The following F5 variants were observed in gnomAD, a reference collection of about 807,000 sequenced individuals.
F5 encodes activated protein c cofactor.
Under a neutral mutation model 216.4 loss-of-function variants are expected in F5, and 138 were observed. The ratio of observed to expected loss-of-function variants is 0.64; its 90% CI spans 0.56 to 0.73. F5 has a LOEUF of 0.73. Ranked by LOEUF, F5 falls within the 30% of genes least tolerant of loss-of-function variation. F5 has a pLI of 0.00. For missense variants in F5, 2,403 were observed against 2,674.0 expected, an observed-to-expected ratio of 0.90 and a Z score of 2.24; for synonymous variants, 916 against 930.7, an observed-to-expected ratio of 0.98 and a Z score of 0.29.
intron 18 of F5, among the ~76,000 whole-genome samples, chr1:169,525,367 C>G (rs978041019): frequency 2.0e-5 from 3 of 152,010 alleles, no homozygotes; most frequent in Admixed American, 2.0e-4. Context: ...AAGTTCTAGT[C>G]CTGATGAGAC....
intron 2 of F5, among the ~76,000 whole-genome samples, chr1:169,580,832 T>A (rs1455221107): frequency 2.6e-5 from 4 of 152,216 alleles, no homozygotes; most frequent in Non-Finnish European, 5.9e-5. Flanking sequence ...TAAGTTATGA[T>A]TAGTAATAGC....
At chr1:169,558,612 G>A (rs1028353575) in intron 5 of F5, among the ~76,000 whole-genome samples, 1 of 152,094 alleles carries the variant, frequency 6.6e-6, no homozygotes, top group African/African-American at 2.4e-5. Context: ...TGGTCTAAGT[G>A]GGAATTAGTT....
chr1:169,541,264 G>C lies in F5; in HGVS notation c.3826C>G (p.Leu1276Val), dbSNP rs140018525. Reference protein sequence around the residue: ...NLSPALGQMPLSPDLSHTTLS... With the variant: ...NLSPALGQMPVSPDLSHTTLS... ...GTTGTATGGCTGAGGTCTGGAGAAA[G>C]GGGCATCTGACCGAGGGCTGGAGAA... The change falls in exon 13 of 25, where the codon CTT becomes GTT. Residue 1276 changes from leucine to valine, a missense_variant. This residue lies in a region of F5 where 1,425 missense variants were observed against 1,554.8 expected (regional missense o/e 0.92). Transcript: ENST00000367797. 9 of 1,532,906 alleles carry C rather than the reference G, an allele frequency of 5.9e-6. No individual in the cohort carries two copies. In the South Asian group the frequency reaches 8.2e-5, roughly 14 times the overall value. The allele number at this position is 1,532,906 out of a possible 1,614,324, so 95.0% of individuals were successfully genotyped here.
At chr1:169,573,301 G>T (rs1175523940) in intron 2 of F5, among the ~76,000 whole-genome samples, 3 of 152,168 alleles carry the variant, frequency 2.0e-5, no homozygotes, top group African/African-American at 7.2e-5. Flanking sequence ...GTACAGCAGA[G>T]ACATAGTATA....
Position 169,518,531 on chromosome 1 carries a change from T to G in F5, c.6226A>C (p.Lys2076Gln), listed in dbSNP as rs1659214014. Residue 2076 changes from lysine to glutamine, a missense_variant, in exon 23 of 25, where the codon AAG becomes CAG. Coordinates refer to ENST00000367797, the MANE Select transcript of F5 (RefSeq NM_000130.5). ...CSTPLGMENG[K>Q]IENKQITASS... is the part of the protein sequence containing the mutation. ...GCTGTGATTTGCTTGTTTTCTATCT[T>G]TCCATTTTCCATACCCAGGGGTGTG... 6.2e-7 allele frequency: 1 copy of G among 1,613,770 alleles called. No individual in the cohort carries two copies. The highest frequency in any genetic ancestry group is 8.5e-7 in the Non-Finnish European group (1 of 1,179,890).
rs1198715747 is a variant in F5 at position 169,525,968 on chromosome 1, G to A, written c.5649C>T (p.Leu1883=). Residue 1883 remains leucine (L), a synonymous_variant, in exon 18 of 25, where the codon CTC becomes CTT. Transcript: ENST00000367797. ...EMKASKPGWW[L]LNTEVGENQR... is the part of the protein sequence containing the mutation. ...GGTTTTCTCCAACCTCTGTGTTTAG[G>A]AGCCACCAGCCAGGTTTTGATGCCT... is the stretch of plus-strand genomic sequence containing the variant. 1 of 1,613,104 alleles carries A rather than the reference G, an allele frequency of 6.2e-7. No individual in the cohort carries two copies. Among genetic ancestry groups the A allele is most frequent in the Non-Finnish European group, 8.5e-7 (1 of 1,179,430 alleles).
intron 18 of F5, among the ~76,000 whole-genome samples, chr1:169,525,443 A>C (rs1163491647): frequency 6.6e-6 from 1 of 152,246 alleles, no homozygotes; most frequent in Non-Finnish European, 1.5e-5. Flanking sequence ...AAGGGATACC[A>C]GCCACTGTGC....
intron 9 of F5, among the ~76,000 whole-genome samples, 163 bp from the exon 10 acceptor site, chr1:169,550,178 C>T (rs1158662831): frequency 1.3e-5 from 2 of 151,374 alleles, no homozygotes; most frequent in Middle Eastern, 3.2e-3. Flanking sequence ...ATGTGCACAA[C>T]GTGCAGGTTT....
At chr1:169,525,263 G>A (rs2301519) in intron 18 of F5, among the ~76,000 whole-genome samples, 8,206 of 152,192 alleles carry the variant, frequency 0.054, 345 homozygotes, top group Admixed American at 0.099. Flanking sequence ...CTGGGAGGCC[G>A]AGGGGGGAGG....
In F5 at chr1:169,549,945, C is replaced by G; in HGVS notation, c.1467G>C (p.Glu489Asp). Residue 489 changes from glutamate (E) to aspartate (D), a missense_variant, in exon 10 of 25, where the codon GAG becomes GAC. This residue lies in a region of F5 where 1,425 missense variants were observed against 1,554.8 expected (regional missense o/e 0.92). Transcript: ENST00000367797. ...ETYTYKWNIL[E>D]FDEPTENDAQ... is the part of the protein sequence containing the mutation. Reference sequence around the variant, plus strand: ...CATCATTTTCTGTGGGTTCATCAAACTCTAAGATGTTCCACTTATAAGTAT... The same window carrying G: ...CATCATTTTCTGTGGGTTCATCAAAGTCTAAGATGTTCCACTTATAAGTAT... The G allele has an allele frequency of 1.2e-6, 2 of 1,614,178 alleles. No individual in the cohort carries two copies. Among genetic ancestry groups the G allele is most frequent in the East Asian group, 4.5e-5 (2 of 44,878 alleles).
At chr1:169,517,486 T>C (rs1305306221) in intron 23 of F5, among the ~76,000 whole-genome samples, 1 of 152,126 alleles carries the variant, frequency 6.6e-6, no homozygotes, top group East Asian at 1.9e-4. Flanking sequence ...GCCAGGAAAT[T>C]GGAGTGTAGG....
In F5 at chr1:169,542,220, T is replaced by C; in HGVS notation, c.2870A>G (p.Glu957Gly). The C allele has an allele frequency of 6.2e-7, 1 of 1,614,060 alleles. No individual in the cohort carries two copies. The highest frequency in any genetic ancestry group is 8.5e-7 in the Non-Finnish European group (1 of 1,179,982). Residue 957 changes from glutamate to glycine, a missense_variant, in exon 13 of 25, where the codon GAA (glutamate) becomes GGA (glycine). Physicochemically the swap from Glu to Gly is moderately conservative, Grantham distance 98. This residue lies in a region of F5 where 1,425 missense variants were observed against 1,554.8 expected (regional missense o/e 0.92). Coordinates refer to ENST00000367797, the MANE Select transcript of F5 (RefSeq NM_000130.5). ...WHLASEKGSY[E>G]IIQDTDEDTA... ...GTCTTCATCAGTATCTTGGATTATT[T>C]CATAGCTACCTTTCTCAGAAGCCAA...
chr1:169,515,725 TTTG>T, intron 23 of F5, 99 bp from the exon 24 acceptor site: 1 of 1,245,944 alleles, frequency 8.0e-7, no homozygotes, highest in South Asian at 1.2e-5. Context: ...TCAAAAGGAT[TTTG>T]TTCTATCTTA....
At chr1:169,572,695 G>A (rs1420969773) in intron 2 of F5, among the ~76,000 whole-genome samples, 1 of 152,172 alleles carries the variant, frequency 6.6e-6, no homozygotes, top group South Asian at 2.1e-4. Context: ...AGGGTGATGC[G>A]AGAGGGTAGT....
chr1:169,527,830 C>A (rs1343462550), intron 17 of F5, 85 bp downstream of exon 17: 1 of 1,534,012 alleles, frequency 6.5e-7, no homozygotes, highest in Non-Finnish European at 8.9e-7. Context: ...GAAGTATATG[C>A]ACAAGGAAGA....
At chr1:169,543,848 A>G (rs898286263) in intron 12 of F5, among the ~76,000 whole-genome samples, 1 of 152,250 alleles carries the variant, frequency 6.6e-6, no homozygotes, top group African/African-American at 2.4e-5. Context: ...GTGTAAGGTT[A>G]CACAGCAATC....
chr1:169,568,455 A>G (rs1660657865), intron 3 of F5, among the ~76,000 whole-genome samples: 1 of 152,136 alleles, frequency 6.6e-6, no homozygotes, highest in Non-Finnish European at 1.5e-5. Context: ...ATACATTAAT[A>G]TAAAGTATAA....
Position 169,518,401 on chromosome 1 carries a change from G to A in F5, c.6345+11C>T, listed in dbSNP as rs1189466821. 3 of 1,613,472 alleles carry A rather than the reference G, an allele frequency of 1.9e-6. No homozygotes were observed. Among genetic ancestry groups the A allele is most frequent in the South Asian group, 1.1e-5 (1 of 91,062 alleles). ...GCCCTAAGAGAACACCATGCATAGA[G>A]TATACTTGACCTTGGCTTGCCAGGC... On this transcript the variant is annotated intron_variant, in intron 23 of 24. Transcript: ENST00000367797.
chr1:169,529,936 A>T (rs1654508039), intron 15 of F5, 118 bp from the exon 16 acceptor site: 2 of 798,378 alleles, frequency 2.5e-6, no homozygotes, highest in Non-Finnish European at 4.2e-6. Context: ...GAAGATGAAG[A>T]TTATAAATGA....
Sources: gnomAD v4.1 joint callset for allele counts (sites outside exome capture counted in the v4.1 genomes callset) on GRCh38, gnomAD v4.1.1 for gene constraint, gnomAD v4.1.1 regional missense constraint, MANE v1.5 for transcripts, NCBI Gene and HGNC (gene_info 2026-07-23, HGNC 2026-07-21) for gene names.